The following AGAP5 variants were observed in gnomAD, a reference collection of about 807,000 sequenced individuals.
The protein encoded by AGAP5 is ArfGAP with GTPase domain, ankyrin repeat and PH domain 5, also known as arf-GAP with GTPase, ANK repeat and PH domain-containing protein 5.
A neutral mutation model predicts 27.7 loss-of-function variants in AGAP5; 8 were observed. That is an observed-to-expected ratio of 0.29 (90% CI 0.17 to 0.52). The LOEUF (loss-of-function observed/expected upper bound fraction) is 0.52. Among genes scored for constraint, AGAP5 ranks in the 20% least tolerant of loss-of-function variants. AGAP5 has a pLI of 0.97. For missense variants in AGAP5, 285 were observed against 880.8 expected (o/e 0.32, Z 8.56); for synonymous variants, 111 against 338.0 (o/e 0.33, Z 7.37).
chr10:73,697,938 T>G lies in AGAP5; in HGVS notation c.-183A>C. The G allele has an allele frequency of 6.6e-7, 1 of 1,522,660 alleles. No homozygotes were observed. The highest frequency in any genetic ancestry group is 1.4e-5 in the African/African-American group (1 of 72,894). 94.3% of individuals were successfully genotyped at this position (1,522,660 alleles called of 1,614,324 possible). A position where few individuals can be genotyped will look rare whatever the true frequency, so the allele number is the denominator to read the frequency against. On this transcript the variant is annotated 5_prime_UTR_variant, in exon 1 of 8. Coordinates refer to ENST00000374094, the MANE Select transcript of AGAP5 (RefSeq NM_001144000.4). ...CCCCGGCCCCGGCCCCGGCTAGGGC[T>G]GCGGGTCAAGGCCCACACCCTGCTG...
intron 2 of AGAP5, among the ~76,000 whole-genome samples, chr10:73,696,091 C>A (rs1398540561): frequency 6.6e-6 from 1 of 152,134 alleles, no homozygotes; most frequent in Non-Finnish European, 1.5e-5. Context: ...CTGCTCACTG[C>A]AACCTCCACC....
intron 4 of AGAP5, among the ~76,000 whole-genome samples, chr10:73,689,134 G>A (rs1314934690): frequency 4.6e-5 from 7 of 151,152 alleles, no homozygotes; most frequent in African/African-American, 9.9e-5. Flanking sequence ...TTGCAGGCGC[G>A]CGCCGCCACG....
In AGAP5 at chr10:73,674,317, A is replaced by C; in HGVS notation, c.*282T>G. The stretch of plus-strand genomic sequence containing the variant: ...ATATTTATGAACTTTTTTTTCAAAT[A>C]TATTTTCACACATTTTATCTAAATA... On this transcript the variant is annotated 3_prime_UTR_variant, in exon 8 of 8. Coordinates refer to ENST00000374094, the MANE Select transcript of AGAP5 (RefSeq NM_001144000.4). 1 of 657,868 alleles carries C rather than the reference A, an allele frequency of 1.5e-6. No homozygotes were observed. The highest frequency in any genetic ancestry group is 2.5e-6 in the Non-Finnish European group (1 of 401,580). The allele number at this position is 657,868 out of a possible 1,614,324, so 40.8% of individuals were successfully genotyped here. A position where few individuals can be genotyped will look rare whatever the true frequency, so the allele number is the denominator to read the frequency against.
intron 2 of AGAP5, among the ~76,000 whole-genome samples, chr10:73,696,657 C>T (rs1457618435): frequency 6.6e-6 from 1 of 152,176 alleles, no homozygotes; most frequent in Non-Finnish European, 1.5e-5. Context: ...CACACACAAC[C>T]ATTTTTCTGC....
In AGAP5 at chr10:73,674,316, T is replaced by C. The variant is rs369268949; in HGVS notation, c.*283A>G. 7.6e-6 allele frequency: 5 copies of C among 658,514 alleles called. No homozygotes were observed. Among genetic ancestry groups the C allele is most frequent in the Non-Finnish European group, 1.2e-5 (5 of 402,532 alleles). 40.8% of individuals were successfully genotyped at this position (658,514 alleles called of 1,614,324 possible). ...CATATTTATGAACTTTTTTTTCAAA[T>C]ATATTTTCACACATTTTATCTAAAT... On this transcript the variant is annotated 3_prime_UTR_variant, in exon 8 of 8. Transcript: ENST00000374094.
At chr10:73,692,739 T>C (rs1435212931) in intron 3 of AGAP5, among the ~76,000 whole-genome samples, 1 of 149,710 alleles carries the variant, frequency 6.7e-6, no homozygotes, top group African/African-American at 2.5e-5. Context: ...GCCTCCTAGG[T>C]TCAAGCAATT....
At chr10:73,689,293 A>G (rs2082092769) in intron 4 of AGAP5, among the ~76,000 whole-genome samples, 1 of 152,146 alleles carries the variant, frequency 6.6e-6, no homozygotes, top group Admixed American at 6.5e-5. Flanking sequence ...TCAGTGCTCA[A>G]TGGTGCCCAG....
chr10:73,697,930 G>T lies in AGAP5; in HGVS notation c.-175C>A. ...ATCCCTGGCCCCGGCCCCGGCCCCG[G>T]CTAGGGCTGCGGGTCAAGGCCCACA... On this transcript the variant is annotated 5_prime_UTR_variant, in exon 1 of 8. Coordinates refer to ENST00000374094, the MANE Select transcript of AGAP5 (RefSeq NM_001144000.4). 1 of 1,526,050 alleles carries T rather than the reference G, an allele frequency of 6.6e-7. No homozygotes were observed. The highest frequency in any genetic ancestry group is 8.8e-7 in the Non-Finnish European group (1 of 1,141,660). 94.5% of individuals were successfully genotyped at this position (1,526,050 alleles called of 1,614,324 possible).
chr10:73,676,473 G>A (rs1182278347), intron 7 of AGAP5, among the ~76,000 whole-genome samples: 2 of 145,754 alleles, frequency 1.4e-5, no homozygotes, highest in Admixed American at 1.4e-4. Context: ...GCTACAGAAA[G>A]AGAGTCCATC....
At chr10:73,695,677 A>G (rs1337998818) in intron 2 of AGAP5, among the ~76,000 whole-genome samples, 2 of 152,204 alleles carry the variant, frequency 1.3e-5, no homozygotes, top group African/African-American at 4.8e-5. Flanking sequence ...TCACACTCAT[A>G]ATGAGTCTTA....
chr10:73,697,866 C>A lies in AGAP5; in HGVS notation c.-111G>T, dbSNP rs1383244616. On this transcript the variant is annotated 5_prime_UTR_variant, in exon 1 of 8. Transcript: ENST00000374094. ...TGCACTTGCAGAGATGGTCTTCCCGCTCCTCGCCTGCCCACCTCACAGCGC... is the reference window on the plus strand; with the variant it reads ...TGCACTTGCAGAGATGGTCTTCCCGATCCTCGCCTGCCCACCTCACAGCGC... 2.6e-6 allele frequency: 4 copies of A among 1,548,620 alleles called. No individual in the cohort carries two copies. The highest frequency in any genetic ancestry group is 3.5e-6 in the Non-Finnish European group (4 of 1,153,458).
rs183734536 is a variant in AGAP5 at position 73,696,870 on chromosome 10, T to C, written c.292+225A>G. Among the ~76,000 whole-genome samples, 749 of 152,314 alleles carry C rather than the reference T, an allele frequency of 4.9e-3. 6 individuals carry two copies. The highest frequency in any genetic ancestry group is 0.017 in the African/African-American group (720 of 41,564). On this transcript the variant is annotated intron_variant, in intron 2 of 7. Coordinates refer to ENST00000374094, the MANE Select transcript of AGAP5 (RefSeq NM_001144000.4). ...AATAAGAAACCCCCAAATATTTGAA[T>C]AGGAACTGTCCTGAGATTTGGCTAC...
At chr10:73,676,307 A>G (rs879231617) in intron 7 of AGAP5, among the ~76,000 whole-genome samples, 17 of 137,322 alleles carry the variant, frequency 1.2e-4, no homozygotes, top group South Asian at 2.3e-4. Flanking sequence ...AAAAAAAAAA[A>G]AGAAAAGAAA....
At chr10:73,694,236 T>C (rs1489061723) in intron 3 of AGAP5, among the ~76,000 whole-genome samples, 1 of 152,182 alleles carries the variant, frequency 6.6e-6, no homozygotes, top group African/African-American at 2.4e-5. Flanking sequence ...TTGAGTAGCA[T>C]AAACTTGGAT....
chr10:73,688,436 G>A (rs3878045), intron 4 of AGAP5, among the ~76,000 whole-genome samples: 1 of 151,768 alleles, frequency 6.6e-6, no homozygotes, highest in African/African-American at 2.4e-5. Context: ...ACACATTGGA[G>A]GGAAGCCTCC....
chr10:73,685,543 G>A (rs948274260), intron 4 of AGAP5, among the ~76,000 whole-genome samples: 2 of 151,246 alleles, frequency 1.3e-5, no homozygotes, highest in African/African-American at 4.9e-5. Flanking sequence ...ATTTGATCAT[G>A]GTGGATTATC....
In AGAP5 at chr10:73,694,700, T is replaced by C. The variant is rs749810047; in HGVS notation, c.361+36A>G. 3.4e-4 allele frequency: 548 copies of C among 1,595,874 alleles called. 1 individual carries two copies. Among genetic ancestry groups the C allele is most frequent in the Non-Finnish European group, 3.8e-4 (444 of 1,178,888 alleles). Reference sequence around the variant, plus strand: ...TAACCTGATCAAACAAGAGCTTTTATTCTTTCTCTTGGCGGAAAAAACAAT... The same window carrying C: ...TAACCTGATCAAACAAGAGCTTTTACTCTTTCTCTTGGCGGAAAAAACAAT... On this transcript the variant is annotated intron_variant, in intron 3 of 7. Transcript: ENST00000374094.
At chr10:73,686,271 T>A (rs1336242169) in intron 4 of AGAP5, among the ~76,000 whole-genome samples, 1 of 152,158 alleles carries the variant, frequency 6.6e-6, no homozygotes, top group Non-Finnish European at 1.5e-5. Flanking sequence ...AGCCAACTGA[T>A]TTTCAACAAA....
intron 1 of AGAP5, 118 bp from the exon 2 acceptor site, chr10:73,697,281 C>T: frequency 1.3e-6 from 2 of 1,490,278 alleles, no homozygotes; most frequent in Non-Finnish European, 1.8e-6. Flanking sequence ...CCATGCCAGC[C>T]TGGGAGAATG....
Sources: allele counts gnomAD v4.1 joint callset (sites outside exome capture counted in the v4.1 genomes callset), GRCh38; gene constraint gnomAD v4.1.1; transcripts MANE v1.5; gene names NCBI Gene and HGNC (gene_info 2026-07-23, HGNC 2026-07-21).